Variants in UPRT observed in about 807,000 individuals in gnomAD.
UPRT encodes RP11-311P8.3.
In UPRT, 5 loss-of-function variants were observed where a neutral mutation model predicts 22.6. That is an observed-to-expected ratio of 0.22 (90% CI 0.12 to 0.47). UPRT has a LOEUF of 0.47. Among genes scored for constraint, UPRT ranks in the 20% least tolerant of loss-of-function variants. The probability of loss-of-function intolerance (pLI) is 0.99; values close to 1 mark genes in which losing one functional copy is unlikely to be tolerated. For synonymous variants in UPRT, 77 were observed against 87.7 expected, an observed-to-expected ratio of 0.88 and a Z score of 0.68; for missense variants, 181 against 239.9, an observed-to-expected ratio of 0.75 and a Z score of 1.62.
chrX:75,222,700 A>G (rs972867805), intron 4 of UPRT, among the ~76,000 whole-genome samples: 4 of 110,827 alleles, frequency 3.6e-5, no homozygotes, highest in Admixed American at 9.6e-5. Context: ...CCTGTGGTAA[A>G]TTCTGCCTGG....
intron 4 of UPRT, among the ~76,000 whole-genome samples, chrX:75,266,369 G>C (rs1244569499): frequency 1.8e-5 from 2 of 111,466 alleles, no homozygotes; most frequent in Non-Finnish European, 3.8e-5. Context: ...CATGGTGCTG[G>C]GAAAACTGGC....
At chrX:75,204,976 G>A (rs1360101164) in intron 4 of UPRT, among the ~76,000 whole-genome samples, 1 of 110,985 alleles carries the variant, frequency 9.0e-6, no homozygotes, top group Non-Finnish European at 1.9e-5. Flanking sequence ...AATTTTGGAA[G>A]GTGTCCTGCA....
At chrX:75,196,897 G>A (rs1320913107) in intron 4 of UPRT, among the ~76,000 whole-genome samples, 1 of 111,392 alleles carries the variant, frequency 9.0e-6, no homozygotes, top group Admixed American at 9.5e-5. Flanking sequence ...TGAAACTAAG[G>A]GAGGAAAGTA....
chrX:75,185,862 G>C (rs1319181609), intron 4 of UPRT, among the ~76,000 whole-genome samples: 5 of 111,223 alleles, frequency 4.5e-5, no homozygotes, highest in African/African-American at 1.6e-4. Flanking sequence ...GGGATTGGTG[G>C]TGATATCCCC....
chrX:75,252,162 C>T (rs1466324512), intron 4 of UPRT, among the ~76,000 whole-genome samples: 2 of 112,107 alleles, frequency 1.8e-5, no homozygotes, highest in Non-Finnish European at 3.8e-5. Context: ...GTAAGGACTT[C>T]ATGTCTATAA....
At chrX:75,272,319 TAC>T (rs1555975285), upstream of UPRT, among the ~76,000 whole-genome samples, 17 of 88,332 alleles carry the variant, frequency 1.9e-4, no homozygotes, top group African/African-American at 6.7e-4. Flanking sequence ...TGTGTATATA[TAC>T]ATATATATGT....
chrX:75,275,197 T>C (rs752920689), intron 1 of UPRT, among the ~76,000 whole-genome samples: 1 of 112,017 alleles, frequency 8.9e-6, no homozygotes, highest in Non-Finnish European at 1.9e-5. Context: ...CCAACTCTTA[T>C]CATTTTTCAC....
Position 75,178,286 on chromosome X carries a change from G to A in UPRT, c.-447+10407G>A, listed in dbSNP as rs1049551833. ...GACAGGTGCCCAGTTTTTAGCCCCCGAATTCTAAGGAAAGATAGGACAGAA... is the reference window on the plus strand; with the variant it reads ...GACAGGTGCCCAGTTTTTAGCCCCCAAATTCTAAGGAAAGATAGGACAGAA... On this transcript the variant is annotated intron_variant, in intron 4 of 13. Coordinates refer to the UPRT transcript ENST00000652605. 2.4e-4 allele frequency among the ~76,000 whole-genome samples: 27 copies of A among 111,835 alleles called. 1 individual carries two copies. Among genetic ancestry groups the A allele is most frequent in the Admixed American group, 1.7e-3 (18 of 10,569 alleles).
intron 1 of UPRT, among the ~76,000 whole-genome samples, chrX:75,290,347 T>G (rs1303867917): frequency 8.9e-6 from 1 of 112,138 alleles, no homozygotes. Context: ...GCTTATACAC[T>G]TTTGGTGAGA....
intron 4 of UPRT, among the ~76,000 whole-genome samples, chrX:75,223,427 C>T (rs182253697): frequency 1.8e-5 from 2 of 111,226 alleles, no homozygotes; most frequent in African/African-American, 3.3e-5. Context: ...CCTAGACTTG[C>T]GTTGCTTGTG....
At chrX:75,274,803 T>C in intron 1 of UPRT, 163 bp downstream of exon 1, 1 of 479,672 alleles carries the variant, frequency 2.1e-6, no homozygotes, top group Non-Finnish European at 3.2e-6. Context: ...TGTGTGTGTG[T>C]GTGTGTGTGT....
chrX:75,274,041 G>C (rs1191951482), upstream of UPRT: 2 of 439,415 alleles, frequency 4.6e-6, no homozygotes, highest in Admixed American at 9.1e-5. Context: ...CAGCCAATAG[G>C]GTGTCTAGGC....
chrX:75,158,039 A>C (rs1186729337), intron 1 of UPRT, among the ~76,000 whole-genome samples: 2 of 112,506 alleles, frequency 1.8e-5, no homozygotes, highest in Non-Finnish European at 3.8e-5. Context: ...AATGGAGCCA[A>C]ATTATTTTTT....
At chrX:75,297,166 GTATATAGCA>G (rs1278680024) in intron 3 of UPRT, among the ~76,000 whole-genome samples, 4 of 111,787 alleles carry the variant, frequency 3.6e-5, no homozygotes, top group Non-Finnish European at 5.6e-5. Context: ...AATTGATGGG[GTATATAGCA>G]TTCTCAGAGT....
intron 1 of UPRT, chrX:75,156,578 G>A (rs2082180213): frequency 2.3e-6 from 1 of 436,171 alleles, no homozygotes; most frequent in Non-Finnish European, 4.2e-6. Flanking sequence ...CATAAACAAC[G>A]AATCATCTCT....
At chrX:75,265,553 G>T (rs888671333) in intron 4 of UPRT, among the ~76,000 whole-genome samples, 7 of 111,754 alleles carry the variant, frequency 6.3e-5, no homozygotes, top group Non-Finnish European at 9.4e-5. Flanking sequence ...GGACTTCTCT[G>T]CATTTGTTAT....
chrX:75,226,520 C>T (rs1277946547), intron 4 of UPRT, among the ~76,000 whole-genome samples: 1 of 111,817 alleles, frequency 8.9e-6, no homozygotes, highest in Non-Finnish European at 1.9e-5. Context: ...CACTCAGCTC[C>T]ATCCTAGTCA....
At chrX:75,172,102 G>A in intron 4 of UPRT, among the ~76,000 whole-genome samples, 1 of 111,971 alleles carries the variant, frequency 8.9e-6, no homozygotes, top group East Asian at 2.8e-4. Flanking sequence ...CATCAGCTAT[G>A]GTAGTATAGG....
At chrX:75,213,138 T>A (rs146899434) in intron 4 of UPRT, among the ~76,000 whole-genome samples, 3,543 of 112,135 alleles carry the variant, frequency 0.032, 148 homozygotes, top group African/African-American at 0.11. Flanking sequence ...CACACTGAAT[T>A]GCAGCTGTGT....
Sources: gnomAD v4.1 joint callset for allele counts (sites outside exome capture counted in the v4.1 genomes callset) on GRCh38, gnomAD v4.1.1 for gene constraint, MANE v1.5 for transcripts, NCBI Gene and HGNC (gene_info 2026-07-23, HGNC 2026-07-21) for gene names.